Variants in GALNT10 observed in about 807,000 individuals in gnomAD.
The protein encoded by GALNT10 is polypeptide N-acetylgalactosaminyltransferase 10, also known as GalNAc transferase 10.
In GALNT10, 41 loss-of-function variants were observed where a neutral mutation model predicts 75.0. That is an observed-to-expected ratio of 0.55 (90% confidence interval 0.43 to 0.71). The LOEUF (loss-of-function observed/expected upper bound fraction) is 0.71. GALNT10 is among the 30% of genes least tolerant of loss of function. The pLI is 0.00. For missense variants in GALNT10, 727 were observed against 818.5 expected, an observed-to-expected ratio of 0.89 and a Z score of 1.36; for synonymous variants, 302 against 313.0, an observed-to-expected ratio of 0.96 and a Z score of 0.37.
intron 6 of GALNT10, among the ~76,000 whole-genome samples, chr5:154,384,705 T>TC (rs1327933387): frequency 6.6e-6 from 1 of 152,212 alleles, no homozygotes; most frequent in Non-Finnish European, 1.5e-5. Flanking sequence ...TTTGCATGCA[T>TC]CACCTGCTTC....
At chr5:154,213,808 C>G (rs539280255) in intron 1 of GALNT10, among the ~76,000 whole-genome samples, 5 of 152,132 alleles carry the variant, frequency 3.3e-5, no homozygotes, top group Admixed American at 2.6e-4. Flanking sequence ...TCTCAAGACT[C>G]CTGGCCTCAA....
At chr5:154,370,994 CAG>C (rs756274738) in intron 4 of GALNT10, among the ~76,000 whole-genome samples, 9 of 152,192 alleles carry the variant, frequency 5.9e-5, no homozygotes, top group Admixed American at 2.6e-4. Context: ...GCTGCTGTAA[CAG>C]AGAACCAAAA....
At chr5:154,285,878 T>C (rs541383019) in intron 1 of GALNT10, among the ~76,000 whole-genome samples, 1 of 152,338 alleles carries the variant, frequency 6.6e-6, no homozygotes, top group Admixed American at 6.5e-5. Context: ...CCTGCTTCTC[T>C]GTGCACCACA....
At position 154,282,255 on chromosome 5, in the gene GALNT10, C is replaced by T. The variant is rs1237092130; in HGVS notation, c.160-12561C>T. ...AATCCATTCGTCAGGGCAGAGCTCT[C>T]ATGAGCTAATCACATCTTAAAGGTT... On this transcript the variant is annotated intron_variant, in intron 1 of 11. Coordinates refer to ENST00000297107, the MANE Select transcript of GALNT10 (RefSeq NM_198321.4). Among the ~76,000 whole-genome samples the T allele has an allele frequency of 2.6e-5, 4 of 152,188 alleles. No individual in the cohort carries two copies. In the East Asian group the frequency reaches 5.8e-4, roughly 22 times the overall value.
chr5:154,404,125 A>C lies in GALNT10; in HGVS notation c.1078A>C (p.Met360Leu). 1 of 1,613,694 alleles carries C rather than the reference A, an allele frequency of 6.2e-7. No homozygotes were observed. The highest frequency in any genetic ancestry group is 8.5e-7 in the Non-Finnish European group (1 of 1,179,718). ...GCAGGTGTGGATGTGTGGGGGCCGC[A>C]TGGAGGACATCCCCTGCTCCAGGGT... ...SFKVWMCGGR[M>L]EDIPCSRVGH... Residue 360 changes from methionine (M) to leucine (L), a missense_variant, in exon 8 of 12, where the codon ATG becomes CTG. By Grantham distance (15) the Met-to-Leu change is conservative (BLOSUM62 2). Transcript: ENST00000297107.
intron 1 of GALNT10, among the ~76,000 whole-genome samples, chr5:154,228,719 G>A (rs1339263404): frequency 6.6e-6 from 1 of 152,214 alleles, no homozygotes; most frequent in Non-Finnish European, 1.5e-5. Context: ...GGTATAGAGT[G>A]AACTGCCAAA....
intron 3 of GALNT10, among the ~76,000 whole-genome samples, chr5:154,302,813 A>G (rs1029569351): frequency 3.9e-5 from 6 of 152,202 alleles, no homozygotes; most frequent in African/African-American, 1.4e-4. Context: ...AAATGTCCTC[A>G]AAAGAACTTA....
At chr5:154,220,230 T>A in intron 1 of GALNT10, 1 of 152,204 alleles carries the variant, frequency 6.6e-6, no homozygotes, top group East Asian at 1.9e-4. Context: ...TTTTTATCAT[T>A]TGGGATGTTG....
At chr5:154,367,582 C>G (rs749268921) in intron 4 of GALNT10, among the ~76,000 whole-genome samples, 11 of 152,128 alleles carry the variant, frequency 7.2e-5, no homozygotes, top group Non-Finnish European at 1.5e-4. Flanking sequence ...TGGCCAGGCA[C>G]AGTGGCTCAC....
Position 154,329,566 on chromosome 5 carries a change from C to A in GALNT10, c.402-6C>A. On this transcript the variant is annotated splice_region_variant and splice_polypyrimidine_tract_variant and intron_variant, in intron 3 of 11. Transcript: ENST00000297107. ...GTCCTCTGCCTCCCCTTATGTTTCCCTCTAGCTGCAACAGCAAGCGCTACC... is the reference window on the plus strand; with the variant it reads ...GTCCTCTGCCTCCCCTTATGTTTCCATCTAGCTGCAACAGCAAGCGCTACC... 3.7e-6 allele frequency: 6 copies of A among 1,612,840 alleles called. No homozygotes were observed. The highest frequency in any genetic ancestry group is 5.1e-6 in the Non-Finnish European group (6 of 1,178,872).
intron 1 of GALNT10, among the ~76,000 whole-genome samples, chr5:154,202,871 G>A (rs1427712920): frequency 2.0e-5 from 3 of 152,096 alleles, no homozygotes; most frequent in East Asian, 1.9e-4. Flanking sequence ...AGCCTGGGGT[G>A]TGCCTCTCTG....
intron 1 of GALNT10, among the ~76,000 whole-genome samples, chr5:154,196,934 A>G (rs1774954624): frequency 6.6e-6 from 1 of 152,204 alleles, no homozygotes; most frequent in African/African-American, 2.4e-5. Context: ...TCCACTCCAG[A>G]GTCCTGCTGA....
rs1419208882 is a variant in GALNT10, at chr5:154,209,085, G to T, written c.159+18060G>T. ...TGCTACAAAACCACCCAAGGGAATG[G>T]GTGCTGGGAGAAGCTGTTGGTCGCT... On this transcript the variant is annotated intron_variant, in intron 1 of 11. Coordinates refer to ENST00000297107, the MANE Select transcript of GALNT10 (RefSeq NM_198321.4). Among the ~76,000 whole-genome samples, 3 of 152,328 alleles carry T rather than the reference G, an allele frequency of 2.0e-5. No individual in the cohort carries two copies. The East Asian group carries it at 5.8e-4, about 29-fold the overall frequency.
intron 1 of GALNT10, among the ~76,000 whole-genome samples, chr5:154,233,748 A>G (rs1193768704): frequency 6.6e-6 from 1 of 152,204 alleles, no homozygotes; most frequent in African/African-American, 2.4e-5. Context: ...CTGAGGATAC[A>G]GGGTAGACAG....
intron 1 of GALNT10, among the ~76,000 whole-genome samples, chr5:154,278,523 G>A (rs1478430635): frequency 5.9e-5 from 9 of 152,212 alleles, no homozygotes; most frequent in African/African-American, 2.2e-4. Context: ...GGCTTTTTTA[G>A]AGGGGAGGAG....
At chr5:154,372,305 G>A (rs964816297) in intron 4 of GALNT10, among the ~76,000 whole-genome samples, 12 of 152,126 alleles carry the variant, frequency 7.9e-5, no homozygotes, top group African/African-American at 2.7e-4. Context: ...GCTGTGGTTC[G>A]AGTGAGTACT....
rs1755654614 is a variant in GALNT10 at position 154,376,572 on chromosome 5, T to C, written c.754+110T>C. 3 of 685,314 alleles carry C rather than the reference T, an allele frequency of 4.4e-6. No individual in the cohort carries two copies. In the African/African-American group the frequency reaches 5.4e-5, roughly 12 times the overall value. The allele number at this position is 685,314 out of a possible 1,614,324, so 42.5% of individuals were successfully genotyped here. On this transcript the variant is annotated intron_variant, in intron 5 of 11. Transcript: ENST00000297107. The surrounding 1 kb of genome is among the most constrained non-coding windows in gnomAD (Gnocchi z 4.1). ...TAAGCCTTCCCTTGCCTGTTCGAGA[T>C]GCCCCCAGCACAATGCCAGGTGCCA...
chr5:154,346,407 T>C (rs907089354), intron 4 of GALNT10, among the ~76,000 whole-genome samples: 8 of 152,148 alleles, frequency 5.3e-5, no homozygotes, highest in African/African-American at 1.4e-4. Context: ...GTATGGAAAA[T>C]ATGAGCCAAA....
chr5:154,334,567 C>T (rs1428670650), intron 4 of GALNT10, among the ~76,000 whole-genome samples: 1 of 152,188 alleles, frequency 6.6e-6, no homozygotes, highest in African/African-American at 2.4e-5. Flanking sequence ...CACTTTCAAA[C>T]AGTGTTGTTT....
Sources: gnomAD v4.1 joint callset for allele counts (sites outside exome capture counted in the v4.1 genomes callset) on GRCh38, gnomAD v4.1.1 for gene constraint, Gnocchi (gnomAD v3.1) non-coding constraint, MANE v1.5 for transcripts, NCBI Gene and HGNC (gene_info 2026-07-23, HGNC 2026-07-21) for gene names.